WBP2: variants seen among roughly 807,000 people sequenced by gnomAD.
WBP2 encodes the protein WW domain binding protein 2, also known as WW domain-binding protein 2.
Under a neutral mutation model 33.0 loss-of-function variants are expected in WBP2, and 23 were observed. The observed-to-expected ratio is 0.70, with a 90% CI of 0.50 to 0.99. The LOEUF (loss-of-function observed/expected upper bound fraction) is 0.99, where lower values mean the gene tolerates loss of function less well. WBP2 is among the 50% of genes least tolerant of loss of function. The probability of loss-of-function intolerance (pLI) is 0.00; values close to 1 mark genes in which losing one functional copy is unlikely to be tolerated. For missense variants in WBP2, 353 were observed against 358.0 expected (o/e 0.99, Z 0.11); for synonymous variants, 153 against 133.5 (o/e 1.15, Z -1.01).
chr17:75,854,463 G>C (rs2065045917), intron 1 of WBP2, among the ~76,000 whole-genome samples: 1 of 152,306 alleles, frequency 6.6e-6, no homozygotes, highest in South Asian at 2.1e-4. Flanking sequence ...AAGGGGTGGG[G>C]AGGATGGAGT....
rs1424326478 is a variant in WBP2, at chr17:75,847,844, C to T, written c.484G>A (p.Gly162Arg). Reference sequence around the variant, plus strand: ...TAGCCAGGAGGGCAGGGGTACATTCCATTGGCGACTGGCGGGGGATAGACA... The same window carrying T: ...TAGCCAGGAGGGCAGGGGTACATTCTATTGGCGACTGGCGGGGGATAGACA... ...AYVYPPPVAN[G>R]MYPCPPGYPY... is the part of the protein sequence containing the mutation. The change falls in exon 5 of 8, where the codon GGA (glycine) becomes AGA (arginine). Residue 162 changes from glycine to arginine, a missense_variant. Gly to Arg is a moderately radical substitution (Grantham distance 125, BLOSUM62 -2). Coordinates refer to ENST00000254806, the MANE Select transcript of WBP2 (RefSeq NM_012478.4). The T allele has an allele frequency of 1.3e-6, 2 of 1,558,300 alleles. No homozygotes were observed. The highest frequency in any genetic ancestry group is 1.7e-6 in the Non-Finnish European group (2 of 1,150,886).
intron 6 of WBP2, chr17:75,847,221 C>A (rs927471461): frequency 4.4e-6 from 3 of 678,424 alleles, no homozygotes; most frequent in Non-Finnish European, 7.5e-6. Context: ...CCACTGTGAC[C>A]GACCAGCTGA....
At chr17:75,848,148 G>A in intron 4 of WBP2, 1 of 653,346 alleles carries the variant, frequency 1.5e-6, no homozygotes, top group Middle Eastern at 4.1e-4. Flanking sequence ...GGCAAGGGAG[G>A]TCAAGGGCAA....
intron 2 of WBP2, among the ~76,000 whole-genome samples, chr17:75,850,309 G>A (rs566938786): frequency 2.0e-5 from 3 of 151,154 alleles, no homozygotes; most frequent in South Asian, 2.1e-4. Flanking sequence ...GCAGTGGCGC[G>A]ATCTTGGCTC....
At position 75,846,749 on chromosome 17, in the gene WBP2, AT is replaced by A. The variant is rs2064994526; in HGVS notation, c.770del (p.Asp257ValfsTer43). On this transcript the variant is annotated frameshift_variant, in exon 8 of 8. Transcript: ENST00000254806. LOFTEE classifies it high-confidence loss of function. The surrounding 1 kb of genome is among the most constrained non-coding windows in gnomAD (Gnocchi z 4.8). The stretch of plus-strand genomic sequence containing the variant: ...GCAGGAGGGCCTACTGGGTCTTCTT[AT>A]CTTCCGGTGGGTAGTAGGGAGGTGG... Reference protein sequence around the residue: ...PPPPPYYPPEDKKTQ With the variant: ...PPPPPYYPPEXKKTQ 1 of 1,531,524 alleles carries A rather than the reference AT, an allele frequency of 6.5e-7. No homozygotes were observed. Among genetic ancestry groups the A allele is most frequent in the African/African-American group, 1.4e-5 (1 of 72,694 alleles). The allele number at this position is 1,531,524 out of a possible 1,614,324, so 94.9% of individuals were successfully genotyped here.
upstream of WBP2, among the ~76,000 whole-genome samples, chr17:75,855,931 T>C (rs1457038626): frequency 1.3e-5 from 2 of 152,130 alleles, no homozygotes; most frequent in Non-Finnish European, 2.9e-5. Context: ...ATCTCACCAC[T>C]CCCAGCGCTG....
chr17:75,850,127 G>A (rs1246223394), intron 2 of WBP2, among the ~76,000 whole-genome samples: 2 of 152,174 alleles, frequency 1.3e-5, no homozygotes, highest in African/African-American at 2.4e-5. Flanking sequence ...GAACTCTCCA[G>A]AACTGAGAAT....
chr17:75,847,502 G>C lies in WBP2; in HGVS notation c.640C>G (p.Pro214Ala), dbSNP rs774412918. The change falls in exon 6 of 8, where the codon CCC becomes GCC. Residue 214 changes from proline to alanine, a missense_variant. By Grantham distance (27) the Pro-to-Ala change is conservative (BLOSUM62 -1). Coordinates refer to ENST00000254806, the MANE Select transcript of WBP2 (RefSeq NM_012478.4). ...GGGCCCTCACCTGCAGGAGTGGAGG[G>C]GACATCGGGGCCGCTGACCGGAGGT... The part of the protein sequence containing the change: ...MEPPVSGPDV[P>A]STPAAEAKAA... 1 of 1,591,588 alleles carries C rather than the reference G, an allele frequency of 6.3e-7. No homozygotes were observed. The highest frequency in any genetic ancestry group is 8.6e-7 in the Non-Finnish European group (1 of 1,168,996).
At position 75,851,694 on chromosome 17, in the gene WBP2, GA is replaced by G; in HGVS notation, c.60-19del. On this transcript the variant is annotated intron_variant, in intron 1 of 7. Coordinates refer to ENST00000254806, the MANE Select transcript of WBP2 (RefSeq NM_012478.4). Reference sequence around the variant, plus strand: ...TTAGGATGCTGTGATGAGAAAAGAGGAAAAGCCTCAATGAGACAGTATGGAG... The same window carrying G: ...TTAGGATGCTGTGATGAGAAAAGAGGAAAGCCTCAATGAGACAGTATGGAG... The G allele has an allele frequency of 6.3e-7, 1 of 1,597,414 alleles. No homozygotes were observed. Among genetic ancestry groups the G allele is most frequent in the Non-Finnish European group, 8.6e-7 (1 of 1,165,460 alleles).
chr17:75,847,914 G>T lies in WBP2; in HGVS notation c.414C>A (p.Val138=). 1 of 1,563,956 alleles carries T rather than the reference G, an allele frequency of 6.4e-7. No individual in the cohort carries two copies. Among genetic ancestry groups the T allele is most frequent in the South Asian group, 1.2e-5 (1 of 85,118 alleles). ...QVASQASRGE[V]PSGAYGYSYM... is the part of the protein sequence containing the mutation. ...AAGAGTAGCCATAGGCTCCACTGGG[G>T]ACTTCACCTCTGGAGGCTACGAGTA... Residue 138 remains valine, a synonymous_variant, in exon 5 of 8, where the codon GTC becomes GTA. Transcript: ENST00000254806.
chr17:75,853,096 G>A (rs2065037372), intron 1 of WBP2, among the ~76,000 whole-genome samples: 1 of 152,156 alleles, frequency 6.6e-6, no homozygotes, highest in African/African-American at 2.4e-5. Flanking sequence ...CCAGGCTGCA[G>A]TGCAACATAG....
intron 1 of WBP2, among the ~76,000 whole-genome samples, chr17:75,854,079 GAAGT>G: frequency 7.0e-6 from 1 of 143,686 alleles, no homozygotes; most frequent in Admixed American, 7.1e-5. Flanking sequence ...AAAGAGAAGA[GAAGT>G]ACTGCTCAGA....
intron 3 of WBP2, chr17:75,849,038 C>T (rs1013973876): frequency 3.2e-6 from 1 of 309,292 alleles, no homozygotes; most frequent in African/African-American, 2.1e-5. Flanking sequence ...CAACAGCCGA[C>T]CTTAAAATTC....
rs777399596 is a variant in WBP2 at position 75,850,250 on chromosome 17, C to CT, written c.169-512dup. Among the ~76,000 whole-genome samples the CT allele has an allele frequency of 1.6e-3, 179 of 110,772 alleles. 1 individual carries two copies. Among genetic ancestry groups the CT allele is most frequent in the Middle Eastern group, 9.3e-3 (2 of 216 alleles). The allele number at this position is 110,772 out of a possible 152,430, so 72.7% of individuals were successfully genotyped here. The stretch of plus-strand genomic sequence containing the variant: ...TGGGTTTTATTTTTTCTTTTCTTTT[C>CT]TTTTTTTTTTTTTGAGATGGAGTCT... On this transcript the variant is annotated intron_variant, in intron 2 of 7. Transcript: ENST00000254806.
intron 1 of WBP2, 66 bp from the exon 2 acceptor site, chr17:75,851,742 G>A (rs1338581447): frequency 1.6e-6 from 2 of 1,242,370 alleles, no homozygotes; most frequent in African/African-American, 1.5e-5. Context: ...CCCAGACACT[G>A]GGCCTTTCTC....
chr17:75,847,067 C>G (rs544231374), intron 6 of WBP2, 83 bp from the exon 7 acceptor site: 7 of 1,510,608 alleles, frequency 4.6e-6, no homozygotes, highest in South Asian at 1.2e-5. Context: ...CCCCATGGCT[C>G]GGGGCAGCTG....
rs1035927236 is a variant in WBP2, at chr17:75,851,677, C to T, written c.60-1G>A. 1 of 1,610,532 alleles carries T rather than the reference C, an allele frequency of 6.2e-7. No individual in the cohort carries two copies. Among genetic ancestry groups the T allele is most frequent in the Non-Finnish European group, 8.5e-7 (1 of 1,177,198 alleles). ...CACGTGATCATAGGACATTAGGATGCTGTGATGAGAAAAGAGGAAAAGCCT... is the reference window on the plus strand; with the variant it reads ...CACGTGATCATAGGACATTAGGATGTTGTGATGAGAAAAGAGGAAAAGCCT... On this transcript the variant is annotated splice_acceptor_variant, in intron 1 of 7. Coordinates refer to ENST00000254806, the MANE Select transcript of WBP2 (RefSeq NM_012478.4). LOFTEE classifies it high-confidence loss of function.
Position 75,846,696 on chromosome 17 carries a change from T to C in WBP2, c.*38A>G. Reference sequence around the variant, plus strand: ...CACAGCCCCGATGGGAGGGGTAGGGTAGAGAGATGAGGGTGGGAGGCAGGG... The same window carrying C: ...CACAGCCCCGATGGGAGGGGTAGGGCAGAGAGATGAGGGTGGGAGGCAGGG... On this transcript the variant is annotated 3_prime_UTR_variant, in exon 8 of 8. Coordinates refer to ENST00000254806, the MANE Select transcript of WBP2 (RefSeq NM_012478.4). This position sits in a 1 kb window ranked among gnomAD's most constrained non-coding sequence, Gnocchi z 4.8. 6.7e-7 allele frequency: 1 copy of C among 1,502,330 alleles called. No homozygotes were observed. The highest frequency in any genetic ancestry group is 2.2e-5 in the Admixed American group (1 of 45,046). The allele number at this position is 1,502,330 out of a possible 1,614,324, so 93.1% of individuals were successfully genotyped here. A position where few individuals can be genotyped will look rare whatever the true frequency, so the allele number is the denominator to read the frequency against.
intron 1 of WBP2, among the ~76,000 whole-genome samples, chr17:75,854,125 C>A (rs952226979): frequency 6.6e-6 from 1 of 150,878 alleles, no homozygotes; most frequent in Non-Finnish European, 1.5e-5. Flanking sequence ...ACAGGCTGGG[C>A]CCATGAAACT....
Sources: gnomAD v4.1 joint callset for allele counts (sites outside exome capture counted in the v4.1 genomes callset) on GRCh38, gnomAD v4.1.1 for gene constraint, Gnocchi (gnomAD v3.1) non-coding constraint, MANE v1.5 for transcripts, NCBI Gene and HGNC (gene_info 2026-07-23, HGNC 2026-07-21) for gene names.